The following ZNF827 variants were observed in gnomAD, a reference collection of about 807,000 sequenced individuals.
The protein encoded by ZNF827 is zinc finger protein 827.
Under a neutral mutation model 102.4 loss-of-function variants are expected in ZNF827, and 13 were observed. The observed-to-expected ratio is 0.13, with a 90% CI of 0.08 to 0.20. The LOEUF is 0.20. Ranked by LOEUF, ZNF827 falls within the 10% of genes least tolerant of loss-of-function variation. The probability of loss-of-function intolerance (pLI) is 1.00; values close to 1 mark genes in which losing one functional copy is unlikely to be tolerated. For missense variants in ZNF827, 1,103 were observed against 1,344.4 expected (o/e 0.82, Z 2.81); for synonymous variants, 523 against 536.2 (o/e 0.98, Z 0.34).
rs1374703922 is a variant in ZNF827, at chr4:145,759,987, C to A, written c.*1629G>T. On this transcript the variant is annotated 3_prime_UTR_variant, in exon 15 of 15. Coordinates refer to ENST00000508784, the MANE Select transcript of ZNF827 (RefSeq NM_001306215.2). ...TACGTGTGGGCACACACACAAAACA[C>A]ACTTAAGTTCTGTGATGTTAGCTGC... The A allele has an allele frequency of 1.3e-5, 2 of 152,242 alleles. No individual in the cohort carries two copies. Among genetic ancestry groups the A allele is most frequent in the African/African-American group, 4.8e-5 (2 of 41,468 alleles). The allele number at this position is 152,242 out of a possible 1,614,324, so 9.4% of individuals were successfully genotyped here. A position where few individuals can be genotyped will look rare whatever the true frequency, so the allele number is the denominator to read the frequency against.
chr4:145,799,667 C>T (rs1309691606), intron 8 of ZNF827, among the ~76,000 whole-genome samples: 1 of 152,208 alleles, frequency 6.6e-6, no homozygotes, highest in African/African-American at 2.4e-5. Flanking sequence ...GGGCACATGG[C>T]TGCCCAACAA....
intron 7 of ZNF827, among the ~76,000 whole-genome samples, chr4:145,843,700 T>A (rs1745642377): frequency 6.6e-6 from 1 of 152,184 alleles, no homozygotes; most frequent in Non-Finnish European, 1.5e-5. Flanking sequence ...CTGGCACGAA[T>A]GCACCTACCC....
intron 4 of ZNF827, among the ~76,000 whole-genome samples, chr4:145,882,131 C>G (rs536942572): frequency 6.6e-6 from 1 of 152,270 alleles, no homozygotes; most frequent in East Asian, 1.9e-4. Context: ...CTTAGCTCTC[C>G]GCAGTCGGGT....
At chr4:145,811,747 A>G (rs1238209117) in intron 8 of ZNF827, among the ~76,000 whole-genome samples, 2 of 152,208 alleles carry the variant, frequency 1.3e-5, no homozygotes, top group Non-Finnish European at 2.9e-5. Flanking sequence ...GTTTACCATA[A>G]GTATTGATGA....
intron 7 of ZNF827, among the ~76,000 whole-genome samples, chr4:145,824,619 C>T (rs945881824): frequency 1.3e-5 from 2 of 152,114 alleles, no homozygotes; most frequent in African/African-American, 4.8e-5. Context: ...TGGTAGAATA[C>T]CCAGGCTCTA....
At chr4:145,809,078 A>T (rs566051059) in intron 8 of ZNF827, among the ~76,000 whole-genome samples, 1 of 152,314 alleles carries the variant, frequency 6.6e-6, no homozygotes, top group African/African-American at 2.4e-5. Context: ...TGGGATTACA[A>T]GTGTGAGCCA....
chr4:145,787,631 A>T (rs187480581), intron 8 of ZNF827, among the ~76,000 whole-genome samples: 1 of 152,178 alleles, frequency 6.6e-6, no homozygotes, highest in Admixed American at 6.5e-5. Context: ...TTGCATTACT[A>T]CTTTCAGGGG....
intron 8 of ZNF827, among the ~76,000 whole-genome samples, chr4:145,805,693 C>T (rs974039691): frequency 2.6e-5 from 4 of 152,198 alleles, no homozygotes; most frequent in Non-Finnish European, 5.9e-5. Flanking sequence ...TCCTGGCATA[C>T]TTGCAATGAA....
intron 6 of ZNF827, among the ~76,000 whole-genome samples, chr4:145,848,084 T>C (rs1746157931): frequency 6.6e-6 from 1 of 152,226 alleles, no homozygotes; most frequent in Non-Finnish European, 1.5e-5. Context: ...TAGAGAGACT[T>C]TCTGAAAAGA....
chr4:145,806,088 C>T (rs1741406019), intron 8 of ZNF827, among the ~76,000 whole-genome samples: 1 of 151,904 alleles, frequency 6.6e-6, no homozygotes, highest in Non-Finnish European at 1.5e-5. Flanking sequence ...TGCTGTTCCC[C>T]AGGACCTAAG....
intron 1 of ZNF827, among the ~76,000 whole-genome samples, chr4:145,927,805 C>G (rs190756079): frequency 6.6e-6 from 1 of 152,334 alleles, no homozygotes; most frequent in East Asian, 1.9e-4. Flanking sequence ...GGAGAAGCAG[C>G]CCTTCCCTGC....
chr4:145,822,253 A>G (rs1178956358), intron 8 of ZNF827, among the ~76,000 whole-genome samples: 1 of 152,210 alleles, frequency 6.6e-6, no homozygotes, highest in Non-Finnish European at 1.5e-5. Context: ...AGGTATCTGG[A>G]TTCTTTGGCT....
In ZNF827 at chr4:145,921,231, C is replaced by T. The variant is rs60561088; in HGVS notation, c.43+17134G>A. Among the ~76,000 whole-genome samples, 1,375 of 152,098 alleles carry T rather than the reference C, an allele frequency of 9.0e-3. 29 individuals are homozygous for T. Among genetic ancestry groups the T allele is most frequent in the African/African-American group, 0.032 (1,332 of 41,476 alleles). ...GATTTGCAGAACAGATAGTTCAGTA[C>T]GAATAAAACAAGGAGTATACAACAT... is the stretch of plus-strand genomic sequence containing the variant. On this transcript the variant is annotated intron_variant, in intron 1 of 14. Coordinates refer to ENST00000508784, the MANE Select transcript of ZNF827 (RefSeq NM_001306215.2).
intron 4 of ZNF827, 172 bp from the exon 5 acceptor site, chr4:145,870,650 T>C (rs1748605365): frequency 3.4e-6 from 2 of 590,318 alleles, no homozygotes; most frequent in African/African-American, 1.9e-5. Flanking sequence ...ATACACTCCA[T>C]GGGCCTACAA....
intron 8 of ZNF827, among the ~76,000 whole-genome samples, chr4:145,810,954 G>A (rs955345722): frequency 4.6e-5 from 7 of 151,336 alleles, no homozygotes; most frequent in Admixed American, 4.6e-4. Flanking sequence ...AACTAACATG[G>A]AGTGTTATAC....
At chr4:145,769,265 G>C (rs1205528022) in intron 11 of ZNF827, among the ~76,000 whole-genome samples, 4 of 151,982 alleles carry the variant, frequency 2.6e-5, no homozygotes, top group African/African-American at 4.8e-5. Flanking sequence ...CTTGGTACAA[G>C]AAAGCTATGT....
chr4:145,780,928 G>T (rs753687623), intron 8 of ZNF827, among the ~76,000 whole-genome samples: 15 of 152,200 alleles, frequency 9.9e-5, no homozygotes, highest in Non-Finnish European at 2.1e-4. Flanking sequence ...TGGGTGCAGT[G>T]GCTCAAGCCT....
chr4:145,775,761 G>A lies in ZNF827; in HGVS notation c.2693+28C>T, dbSNP rs746683207. The A allele has an allele frequency of 5.1e-5, 83 of 1,612,736 alleles. 1 individual carries two copies. In the Admixed American group the frequency reaches 1.1e-3, roughly 22 times the overall value. The stretch of plus-strand genomic sequence containing the variant: ...TTGAAGTCAAGAGTCTGAGAAAGGC[G>A]GACTAGCATGTTCCATCTGCAACTC... On this transcript the variant is annotated intron_variant, in intron 10 of 14. Transcript: ENST00000508784.
rs1734082342 is a variant in ZNF827 at position 145,758,009 on chromosome 4, G to C, written c.*3607C>G. The C allele has an allele frequency of 6.6e-6, 1 of 152,118 alleles. No individual in the cohort carries two copies. The highest frequency in any genetic ancestry group is 1.5e-5 in the Non-Finnish European group (1 of 68,032). 9.4% of individuals were successfully genotyped at this position (152,118 alleles called of 1,614,324 possible). ...GTTTTATACGGAAAGGATATCTATG[G>C]AATACATCCTTCCCTGAGTATCAAA... On this transcript the variant is annotated 3_prime_UTR_variant, in exon 15 of 15. Transcript: ENST00000508784.
Sources: allele counts gnomAD v4.1 joint callset (sites outside exome capture counted in the v4.1 genomes callset), GRCh38; gene constraint gnomAD v4.1.1; transcripts MANE v1.5; gene names NCBI Gene and HGNC (gene_info 2026-07-23, HGNC 2026-07-21).